Variants in CDK2 observed in about 807,000 individuals in gnomAD.
CDK2 encodes the protein cyclin dependent kinase 2, also known as cyclin-dependent kinase 2.
A neutral mutation model predicts 35.0 loss-of-function variants in CDK2; 8 were observed. The observed-to-expected ratio is 0.23, with a 90% CI of 0.13 to 0.41. CDK2 has a LOEUF of 0.41. Among genes scored for constraint, CDK2 ranks in the 10% least tolerant of loss-of-function variants. The pLI is 1.00. For synonymous variants in CDK2, 134 were observed against 137.7 expected, an observed-to-expected ratio of 0.97 and a Z score of 0.19; for missense variants, 201 against 367.1, an observed-to-expected ratio of 0.55 and a Z score of 3.70.
intron 1 of CDK2, chr12:55,967,559 T>C (rs1889359828): frequency 2.1e-6 from 1 of 478,040 alleles, no homozygotes; most frequent in African/African-American, 1.9e-5. Flanking sequence ...CACTGGCCCC[T>C]CTGGGGAGGC....
At chr12:55,967,981 T>G in intron 2 of CDK2, 47 bp downstream of exon 2, 1 of 1,613,802 alleles carries the variant, frequency 6.2e-7, no homozygotes, top group Non-Finnish European at 8.5e-7. Context: ...GAGGATAAGT[T>G]CTGTCTGTAC....
chr12:55,970,972 C>G (rs760128218), intron 5 of CDK2, 72 bp from the exon 6 acceptor site: 19 of 1,341,348 alleles, frequency 1.4e-5, no homozygotes, highest in Non-Finnish European at 1.9e-5. Context: ...TCTGTGGGAA[C>G]TCCTTTGTAT....
intron 1 of CDK2, 101 bp downstream of exon 1, chr12:55,967,225 A>G (rs1889345842): frequency 1.2e-6 from 1 of 812,374 alleles, no homozygotes; most frequent in Non-Finnish European, 2.1e-6. Flanking sequence ...GGAAGAGAGC[A>G]GGGAGGGACT....
chr12:55,970,775 G>C, intron 5 of CDK2: 1 of 699,420 alleles, frequency 1.4e-6, no homozygotes, highest in South Asian at 1.5e-5. Context: ...CTACATGTCA[G>C]TGGCACCCCA....
intron 6 of CDK2, 74 bp from the exon 7 acceptor site, chr12:55,971,446 TG>T: frequency 7.9e-7 from 1 of 1,260,646 alleles, no homozygotes; most frequent in Non-Finnish European, 1.2e-6. Flanking sequence ...TCTGGTTTCC[TG>T]ATTTCTGGGA....
chr12:55,972,376 G>C lies in CDK2; in HGVS notation c.*751G>C, dbSNP rs1045435. 21,705 of 152,064 alleles carry C rather than the reference G, an allele frequency of 0.14. 2,367 individuals carry two copies. The highest frequency in any genetic ancestry group is 0.31 in the African/African-American group (12,784 of 41,412). 9.4% of individuals were successfully genotyped at this position (152,064 alleles called of 1,614,324 possible). ...TCTCTTCCTTTTAGTATTCTTAGTTGTTCAGTTGCCAAGGATCCCTGATCC... is the reference window on the plus strand; with the variant it reads ...TCTCTTCCTTTTAGTATTCTTAGTTCTTCAGTTGCCAAGGATCCCTGATCC... On this transcript the variant is annotated 3_prime_UTR_variant, in exon 7 of 7. Coordinates refer to ENST00000266970, the MANE Select transcript of CDK2 (RefSeq NM_001798.5).
chr12:55,967,804 G>T, intron 1 of CDK2, 53 bp from the exon 2 acceptor site: 1 of 1,455,562 alleles, frequency 6.9e-7, no homozygotes, highest in Non-Finnish European at 9.7e-7. Flanking sequence ...AGGTGGGGGG[G>T]AAAGGAATAT....
At chr12:55,971,395 G>A in intron 6 of CDK2, 126 bp from the exon 7 acceptor site, 1 of 1,086,232 alleles carries the variant, frequency 9.2e-7, no homozygotes, top group Non-Finnish European at 1.4e-6. Context: ...ATTCAGCTAT[G>A]GGAGGATGGA....
intron 5 of CDK2, chr12:55,970,484 C>G (rs986281808): frequency 5.0e-6 from 3 of 605,092 alleles, no homozygotes; most frequent in African/African-American, 3.7e-5. Context: ...TGGTTGTAAC[C>G]AAGAGCTTAA....
chr12:55,967,358 T>C, intron 1 of CDK2: 2 of 539,806 alleles, frequency 3.7e-6, no homozygotes, highest in Non-Finnish European at 6.7e-6. Context: ...CTGAGCCGGA[T>C]CGTGCCCCCA....
intron 1 of CDK2, 98 bp downstream of exon 1, chr12:55,967,222 A>C (rs959791678): frequency 2.0e-5 from 17 of 848,884 alleles, no homozygotes; most frequent in Non-Finnish European, 3.3e-5. Context: ...ACCGGAAGAG[A>C]GCAGGGAGGG....
chr12:55,972,550 A>G lies in CDK2; in HGVS notation c.*925A>G. The G allele has an allele frequency of 7.4e-6, 1 of 134,564 alleles. No individual in the cohort carries two copies. Among genetic ancestry groups the G allele is most frequent in the East Asian group, 2.1e-4 (1 of 4,656 alleles). The allele number at this position is 134,564 out of a possible 1,614,324, so 8.3% of individuals were successfully genotyped here. A position where few individuals can be genotyped will look rare whatever the true frequency, so the allele number is the denominator to read the frequency against. Reference sequence around the variant, plus strand: ...CTTTAAAAGAAGGATGAACAATTATATTTATATTTCAGGTTATATCCAATA... The same window carrying G: ...CTTTAAAAGAAGGATGAACAATTATGTTTATATTTCAGGTTATATCCAATA... On this transcript the variant is annotated 3_prime_UTR_variant, in exon 7 of 7. Coordinates refer to ENST00000266970, the MANE Select transcript of CDK2 (RefSeq NM_001798.5).
chr12:55,970,420 AGTG>A (rs3213123), intron 5 of CDK2, among the ~76,000 whole-genome samples: 5,494 of 151,938 alleles, frequency 0.036, 323 homozygotes, highest in African/African-American at 0.13. Flanking sequence ...ATAACAGTAC[AGTG>A]GTGCAGTAGG....
intron 1 of CDK2, 48 bp from the exon 2 acceptor site, chr12:55,967,786 AAATGACTAGGTGGGGGGGAAAGG>A: frequency 7.5e-7 from 1 of 1,331,944 alleles, no homozygotes; most frequent in Admixed American, 1.7e-5. Context: ...TGGGGGAAAG[AAATGACTAGGTGGGGGGGAAAGG>A]AATATTTGTA....
rs1889485268 is a variant in CDK2 at position 55,971,829 on chromosome 12, T to C, written c.*204T>C. Reference sequence around the variant, plus strand: ...AATGAAAGGAAGTTTCAGTATTAGATGCACTTAAGTTAGCCTCCACCACCC... The same window carrying C: ...AATGAAAGGAAGTTTCAGTATTAGACGCACTTAAGTTAGCCTCCACCACCC... On this transcript the variant is annotated 3_prime_UTR_variant, in exon 7 of 7. Coordinates refer to ENST00000266970, the MANE Select transcript of CDK2 (RefSeq NM_001798.5). 5.5e-6 allele frequency: 3 copies of C among 546,836 alleles called. No individual in the cohort carries two copies. In the South Asian group the frequency reaches 7.4e-5, roughly 13 times the overall value. The allele number at this position is 546,836 out of a possible 1,614,324, so 33.9% of individuals were successfully genotyped here.
At position 55,971,054 on chromosome 12, in the gene CDK2, G is replaced by A. The variant is rs763512696; in HGVS notation, c.599G>A (p.Arg200Gln). ...GCIFAEMVTRRALFPGDSEID... is the reference protein window; with the variant it reads ...GCIFAEMVTRQALFPGDSEID... ...TTTCCCCATTTTCAGGTGACTCGCCGGGCCCTATTCCCTGGAGATTCTGAG... is the reference window on the plus strand; with the variant it reads ...TTTCCCCATTTTCAGGTGACTCGCCAGGCCCTATTCCCTGGAGATTCTGAG... Residue 200 changes from arginine to glutamine, a missense_variant, in exon 6 of 7, where the codon CGG (arginine) becomes CAG (glutamine). Physicochemically the swap from Arg to Gln is conservative, Grantham distance 43 (BLOSUM62 1). Coordinates refer to ENST00000266970, the MANE Select transcript of CDK2 (RefSeq NM_001798.5). The A allele has an allele frequency of 1.3e-5, 21 of 1,613,838 alleles. No individual in the cohort carries two copies. Among genetic ancestry groups the A allele is most frequent in the Non-Finnish European group, 1.7e-5 (20 of 1,179,946 alleles).
chr12:55,968,367 G>C (rs1397561796), intron 3 of CDK2, 198 bp downstream of exon 3: 1 of 589,378 alleles, frequency 1.7e-6, no homozygotes, highest in African/African-American at 1.9e-5. Flanking sequence ...AATCAAAGTT[G>C]AAACTCTAGT....
At chr12:55,967,632 G>T in intron 1 of CDK2, 1 of 558,164 alleles carries the variant, frequency 1.8e-6, no homozygotes, top group Non-Finnish European at 3.2e-6. Flanking sequence ...TTCACCAGGC[G>T]GCTTTACTTA....
At position 55,971,501 on chromosome 12, in the gene CDK2, A is replaced by G. The variant is rs2069412; in HGVS notation, c.793-20A>G. On this transcript the variant is annotated intron_variant, in intron 6 of 6. Coordinates refer to ENST00000266970, the MANE Select transcript of CDK2 (RefSeq NM_001798.5). ...GTCCACTATCACATCATTGAAGTCA[A>G]CATGCATCTCTCCCTCTAGCAAATG... The G allele has an allele frequency of 8.4e-4, 1,322 of 1,576,624 alleles. 3 individuals carry two copies. Among genetic ancestry groups the G allele is most frequent in the African/African-American group, 7.5e-3 (555 of 74,288 alleles).
Sources: gnomAD v4.1 joint callset for allele counts (sites outside exome capture counted in the v4.1 genomes callset) on GRCh38, gnomAD v4.1.1 for gene constraint, MANE v1.5 for transcripts, NCBI Gene and HGNC (gene_info 2026-07-23, HGNC 2026-07-21) for gene names.